EEA1: variants seen among roughly 807,000 people sequenced by gnomAD.
EEA1 encodes early endosome antigen 1, 162kD.
A neutral mutation model predicts 209.2 loss-of-function variants in EEA1; 111 were observed. The ratio of observed to expected loss-of-function variants is 0.53; its 90% CI spans 0.45 to 0.62. The LOEUF is 0.62. Among genes scored for constraint, EEA1 ranks in the 20% least tolerant of loss-of-function variants. The probability of loss-of-function intolerance (pLI) is 0.00; values close to 1 mark genes in which losing one functional copy is unlikely to be tolerated. For missense variants in EEA1, 1,343 were observed against 1,530.8 expected (o/e 0.88, Z 2.05); for synonymous variants, 536 against 540.6 (o/e 0.99, Z 0.12).
intron 11 of EEA1, among the ~76,000 whole-genome samples, chr12:92,828,590 T>C (rs1471411135): frequency 6.8e-6 from 1 of 147,536 alleles, no homozygotes; most frequent in South Asian, 2.1e-4. Context: ...ATCATATATA[T>C]AGATATATAT....
At chr12:92,921,894 AG>A (rs1323817561) in intron 1 of EEA1, among the ~76,000 whole-genome samples, 18 of 150,526 alleles carry the variant, frequency 1.2e-4, no homozygotes, top group African/African-American at 4.1e-4. Flanking sequence ...AAAGAAAAAA[AG>A]AAAAGAAAGC....
At chr12:92,901,607 G>A (rs539167678) in intron 1 of EEA1, among the ~76,000 whole-genome samples, 91 of 144,636 alleles carry the variant, frequency 6.3e-4, no homozygotes, top group Non-Finnish European at 1.1e-3. Flanking sequence ...CACTCTTGTT[G>A]CCCAAGCGGG....
rs765009534 is a variant in EEA1 at position 92,857,436 on chromosome 12, G to A, written c.295C>T (p.Leu99Phe). Residue 99 changes from leucine to phenylalanine, a missense_variant, in exon 4 of 29, where the codon CTT (leucine) becomes TTT (phenylalanine). Leu to Phe is a conservative substitution (Grantham distance 22). This residue lies in a region of EEA1 where 1,307 missense variants were observed against 1,465.5 expected (regional missense o/e 0.89). Coordinates refer to ENST00000322349, the MANE Select transcript of EEA1 (RefSeq NM_003566.4). ...ATAACAATTTTTATTCTTACCTTAA[G>A]TGAAGCCTGTAGGTCTTGGACCTCT... Reference protein sequence around the residue: ...RQEVQDLQASLKEEKWYSEEL... With the variant: ...RQEVQDLQASFKEEKWYSEEL... 2 of 1,596,448 alleles carry A rather than the reference G, an allele frequency of 1.3e-6. No individual in the cohort carries two copies. The highest frequency in any genetic ancestry group is 2.3e-5 in the South Asian group (2 of 86,420).
At chr12:92,905,999 T>C (rs1880370200) in intron 1 of EEA1, among the ~76,000 whole-genome samples, 1 of 152,032 alleles carries the variant, frequency 6.6e-6, no homozygotes, top group South Asian at 2.1e-4. Flanking sequence ...TCAAATTTCC[T>C]GGGCTCAAGC....
chr12:92,797,548 C>G (rs1278037615), intron 21 of EEA1, among the ~76,000 whole-genome samples: 1 of 152,010 alleles, frequency 6.6e-6, no homozygotes, highest in East Asian at 1.9e-4. Context: ...ATTATTATAA[C>G]TCATAATTTT....
rs557728770 is a variant in EEA1 at position 92,776,263 on chromosome 12, GAT to G, written c.4114-132_4114-131del. The G allele has an allele frequency of 2.6e-4, 214 of 824,840 alleles. 2 individuals are homozygous for G. The South Asian group carries it at 5.7e-3, about 22-fold the overall frequency. The allele number at this position is 824,840 out of a possible 1,614,324, so 51.1% of individuals were successfully genotyped here. A position where few individuals can be genotyped will look rare whatever the true frequency, so the allele number is the denominator to read the frequency against. On this transcript the variant is annotated intron_variant, in intron 28 of 28. Transcript: ENST00000322349. The stretch of plus-strand genomic sequence containing the variant: ...TCAAGTCATTGGTATATTATTTAAT[GAT>G]ATGTTTCAATATGTTAACTTAATCT...
intron 1 of EEA1, among the ~76,000 whole-genome samples, chr12:92,923,326 C>A (rs562688710): frequency 6.6e-5 from 10 of 151,798 alleles, no homozygotes; most frequent in Admixed American, 6.6e-4. Flanking sequence ...CCAGCCTGGG[C>A]GACAGAGCGA....
chr12:92,922,626 G>A (rs1300339008), intron 1 of EEA1, among the ~76,000 whole-genome samples: 1 of 152,126 alleles, frequency 6.6e-6, no homozygotes, highest in African/African-American at 2.4e-5. Flanking sequence ...CAAGCACCAC[G>A]TTAGACCTAA....
chr12:92,896,022 G>A (rs921104209), intron 1 of EEA1, among the ~76,000 whole-genome samples: 14 of 151,118 alleles, frequency 9.3e-5, no homozygotes, highest in Non-Finnish European at 4.4e-5. Context: ...TCACCAGGCT[G>A]GAGTGCAGTG....
At chr12:92,895,435 G>C (rs1251214439) in intron 1 of EEA1, 4 of 153,766 alleles carry the variant, frequency 2.6e-5, no homozygotes, top group Non-Finnish European at 5.9e-5. Flanking sequence ...AAAGTGCAGG[G>C]ATTACAGGTG....
intron 22 of EEA1, among the ~76,000 whole-genome samples, chr12:92,784,253 G>A (rs1874032715): frequency 6.6e-6 from 1 of 152,154 alleles, no homozygotes; most frequent in African/African-American, 2.4e-5. Context: ...GCTACACAGG[G>A]CAGGAGAGTA....
chr12:92,822,337 T>C (rs1177250233), intron 13 of EEA1, among the ~76,000 whole-genome samples: 1 of 152,178 alleles, frequency 6.6e-6, no homozygotes. Flanking sequence ...AAAAATAATT[T>C]ATATTTACAT....
chr12:92,926,567 T>C (rs1194970559), intron 1 of EEA1, among the ~76,000 whole-genome samples: 3 of 152,182 alleles, frequency 2.0e-5, no homozygotes, highest in African/African-American at 7.2e-5. Flanking sequence ...ATACTCAGCA[T>C]TAACACTGAC....
chr12:92,907,329 CAA>C (rs1331685116), intron 1 of EEA1, among the ~76,000 whole-genome samples: 1 of 152,214 alleles, frequency 6.6e-6, no homozygotes, highest in Non-Finnish European at 1.5e-5. Flanking sequence ...GAGAGCACCA[CAA>C]AGTCAGCTTA....
chr12:92,868,000 G>A (rs931822552), intron 2 of EEA1, among the ~76,000 whole-genome samples: 1 of 152,148 alleles, frequency 6.6e-6, no homozygotes, highest in African/African-American at 2.4e-5. Flanking sequence ...GAATAGTCAT[G>A]TTACATTTAG....
chr12:92,837,239 G>C (rs370282176), intron 10 of EEA1, among the ~76,000 whole-genome samples: 10 of 152,114 alleles, frequency 6.6e-5, no homozygotes, highest in Non-Finnish European at 1.3e-4. Context: ...AATCCTAAGA[G>C]GTAAGTGGGT....
At chr12:92,882,047 C>CT (rs1879170143) in intron 2 of EEA1, among the ~76,000 whole-genome samples, 1 of 151,916 alleles carries the variant, frequency 6.6e-6, no homozygotes, top group African/African-American at 2.4e-5. Context: ...TATATTTTCT[C>CT]TTTGTTATGA....
At chr12:92,911,366 A>G (rs1880577062) in intron 1 of EEA1, among the ~76,000 whole-genome samples, 1 of 152,260 alleles carries the variant, frequency 6.6e-6, no homozygotes, top group South Asian at 2.1e-4. Context: ...AGTGAAATAC[A>G]AAGTGAAAGG....
chr12:92,823,310 C>T (rs1876148990), intron 13 of EEA1, among the ~76,000 whole-genome samples: 1 of 152,148 alleles, frequency 6.6e-6, no homozygotes, highest in Admixed American at 6.5e-5. Context: ...TAAACTTACC[C>T]ATATCTAATG....
Sources: gnomAD v4.1 joint callset for allele counts (sites outside exome capture counted in the v4.1 genomes callset) on GRCh38, gnomAD v4.1.1 for gene constraint, gnomAD v4.1.1 regional missense constraint, MANE v1.5 for transcripts, NCBI Gene and HGNC (gene_info 2026-07-23, HGNC 2026-07-21) for gene names.